Variants in ZNF232 observed in about 807,000 individuals in gnomAD.
ZNF232 encodes zinc finger and SCAN domain-containing protein 11.
ZNF232 carries 25 observed loss-of-function variants against 25.2 expected under a neutral mutation model. The observed-to-expected ratio is 0.99, with a 90% CI of 0.72 to 1.39. ZNF232 has a LOEUF of 1.39. Among genes scored for constraint, ZNF232 ranks in the 40% most tolerant of loss-of-function variants. The probability of loss-of-function intolerance (pLI) is 0.00; values close to 1 mark genes in which losing one functional copy is unlikely to be tolerated. For synonymous variants in ZNF232, 193 were observed against 182.9 expected, an observed-to-expected ratio of 1.06 and a Z score of -0.45; for missense variants, 519 against 520.9, an observed-to-expected ratio of 1.00 and a Z score of 0.04.
Position 5,106,022 on chromosome 17 carries a change from CCT to C in ZNF232, c.1108_1109del (p.Arg370AspfsTer9). The C allele has an allele frequency of 1.9e-6, 3 of 1,614,130 alleles. No individual in the cohort carries two copies. The highest frequency in any genetic ancestry group is 2.5e-6 in the Non-Finnish European group (3 of 1,179,984). Reference sequence around the variant, plus strand: ...CATAGGGCTTCTCTCCTGAGTGAATCCTCTGATGCTGAACAAGATGAGCACCC... The same window carrying C: ...CATAGGGCTTCTCTCCTGAGTGAATCCTGATGCTGAACAAGATGAGCACCC... On this transcript the variant is annotated frameshift_variant, in exon 4 of 4. Coordinates refer to ENST00000575898, the Ensembl canonical transcript of ZNF232. LOFTEE classifies it low-confidence loss of function (END_TRUNC).
At chr17:5,116,214 G>C (rs1597943327), upstream of ZNF232, among the ~76,000 whole-genome samples, 1 of 139,374 alleles carries the variant, frequency 7.2e-6, no homozygotes, top group South Asian at 2.2e-4. Flanking sequence ...CAGCGCTCGA[G>C]ACGCTCATTG....
exon 1 of ZNF232, chr17:5,111,833 CCG>C (rs763190900): frequency 2.4e-5 from 38 of 1,613,660 alleles, no homozygotes; most frequent in Non-Finnish European, 3.1e-5. Context: ...CGGGGCGCTG[CCG>C]CGAATCGCGC....
chr17:5,117,272 C>A (rs1470693857), intron 1 of ZNF232, among the ~76,000 whole-genome samples: 2 of 152,182 alleles, frequency 1.3e-5, no homozygotes, highest in Non-Finnish European at 1.5e-5. Flanking sequence ...AATCCCAGCA[C>A]TTTGGGAGGC....
chr17:5,106,579 G>C, intron 3 of ZNF232, 46 bp from the exon 4 acceptor site: 1 of 1,477,412 alleles, frequency 6.8e-7, no homozygotes, highest in Non-Finnish European at 9.1e-7. Context: ...GTATATTTCT[G>C]GAATGAAAAC....
At chr17:5,109,124 GACACTT>G in intron 2 of ZNF232, 72 bp from the exon 3 acceptor site, 1 of 1,601,172 alleles carries the variant, frequency 6.2e-7, no homozygotes, top group Non-Finnish European at 8.5e-7. Flanking sequence ...CCCCTGCCTG[GACACTT>G]GCAGATGTGA....
intron 1 of ZNF232, among the ~76,000 whole-genome samples, chr17:5,122,486 G>C (rs1409982720): frequency 6.6e-6 from 1 of 152,212 alleles, no homozygotes; most frequent in Non-Finnish European, 1.5e-5. Flanking sequence ...TTCCATCAAG[G>C]TTTTTCCAAA....
chr17:5,106,959 C>T (rs770928431), intron 3 of ZNF232, among the ~76,000 whole-genome samples: 6 of 152,066 alleles, frequency 3.9e-5, no homozygotes, highest in Non-Finnish European at 7.3e-5. Flanking sequence ...TCTTCCCATC[C>T]GTTTCCCAGC....
intron 1 of ZNF232, among the ~76,000 whole-genome samples, chr17:5,118,849 A>G (rs1472814683): frequency 1.3e-5 from 2 of 152,158 alleles, no homozygotes; most frequent in Non-Finnish European, 2.9e-5. Flanking sequence ...TCATCTACTG[A>G]CTGAGTCTGG....
intron 1 of ZNF232, 83 bp downstream of exon 1, chr17:5,111,717 C>T: frequency 1.2e-6 from 2 of 1,607,398 alleles, no homozygotes; most frequent in Non-Finnish European, 1.7e-6. Flanking sequence ...CAGGCCTGCT[C>T]ACTGCAGAGC....
At chr17:5,111,642 T>C (rs2072413447) in intron 1 of ZNF232, 158 bp downstream of exon 1, 3 of 1,068,256 alleles carry the variant, frequency 2.8e-6, no homozygotes, top group South Asian at 3.0e-5. Flanking sequence ...GCAACGCAGG[T>C]AGCGCAGCGC....
exon 4 of ZNF232, chr17:5,105,912 A>G (rs778219539): frequency 3.7e-6 from 6 of 1,614,158 alleles, no homozygotes; most frequent in Non-Finnish European, 5.1e-6. Flanking sequence ...TTCTTTACAT[A>G]TAAAAGGTTT....
At position 5,117,997 on chromosome 17, in the gene ZNF232, AG is replaced by A. The variant is rs560297329; in HGVS notation, c.-530+4979del. On this transcript the variant is annotated intron_variant, in intron 1 of 4. Transcript: ENST00000250076. ...GGCAGGAGAATCACTTGAACCTGGG[AG>A]GCGGAGATTGAAGTGGGCCGAGATC... Among the ~76,000 whole-genome samples the A allele has an allele frequency of 7.5e-4, 113 of 150,918 alleles. 1 individual carries two copies. In the Middle Eastern group the frequency reaches 0.01, roughly 14 times the overall value.
At chr17:5,107,248 C>T (rs2072281683) in intron 3 of ZNF232, among the ~76,000 whole-genome samples, 1 of 151,414 alleles carries the variant, frequency 6.6e-6, no homozygotes, top group Non-Finnish European at 1.5e-5. Flanking sequence ...ATTAGCCGAG[C>T]ATGATGGCGG....
intron 1 of ZNF232, chr17:5,110,926 G>C (rs2072391663): frequency 1.3e-5 from 2 of 152,116 alleles, no homozygotes. Flanking sequence ...AGAAGAGGGA[G>C]GGTATGTGGT....
intron 1 of ZNF232, among the ~76,000 whole-genome samples, chr17:5,118,496 T>C (rs1488601177): frequency 6.6e-6 from 1 of 151,946 alleles, no homozygotes; most frequent in Non-Finnish European, 1.5e-5. Context: ...CCAGAGGGAG[T>C]GTTACAGTGC....
chr17:5,122,530 G>C (rs1226803055), intron 1 of ZNF232, among the ~76,000 whole-genome samples: 1 of 152,216 alleles, frequency 6.6e-6, no homozygotes, highest in Non-Finnish European at 1.5e-5. Context: ...TTAGTTCCTT[G>C]GCCCGCGTGC....
exon 2 of ZNF232, chr17:5,109,855 C>T (rs758346689): frequency 1.8e-5 from 29 of 1,605,882 alleles, no homozygotes; most frequent in Non-Finnish European, 2.5e-5. Flanking sequence ...CAGCTGGAAT[C>T]TTGCAAGGGC....
At chr17:5,106,313 C>G (rs1278629401) in exon 4 of ZNF232, 6 of 1,614,132 alleles carry the variant, frequency 3.7e-6, no homozygotes, top group Non-Finnish European at 5.1e-6. Context: ...AACTTTCCTC[C>G]TGGGCAGGGG....
chr17:5,113,654 T>G (rs1383319059), upstream of ZNF232: 1 of 152,236 alleles, frequency 6.6e-6, no homozygotes, highest in African/African-American at 2.4e-5. Context: ...CATATTGACA[T>G]TTATACTAAT....
Sources: gnomAD v4.1 joint callset for allele counts (sites outside exome capture counted in the v4.1 genomes callset) on GRCh38, gnomAD v4.1.1 for gene constraint, MANE v1.5 for transcripts, NCBI Gene and HGNC (gene_info 2026-07-23, HGNC 2026-07-21) for gene names.